The following LRRC7 variants were observed in gnomAD, a reference collection of about 807,000 sequenced individuals.
LRRC7 encodes the protein leucine-rich repeat-containing protein 7.
A neutral mutation model predicts 175.7 loss-of-function variants in LRRC7; 23 were observed. That is an observed-to-expected ratio of 0.13 (90% CI 0.09 to 0.19). The LOEUF (loss-of-function observed/expected upper bound fraction) is 0.19. LRRC7 is among the 10% of genes least tolerant of loss of function. The pLI is 1.00. For missense variants in LRRC7, 1,354 were observed against 1,904.7 expected (o/e 0.71, Z 5.38); for synonymous variants, 685 against 680.9 (o/e 1.01, Z -0.09).
chr1:70,081,529 T>G (rs1019204927), intron 24 of LRRC7, among the ~76,000 whole-genome samples: 1 of 152,336 alleles, frequency 6.6e-6, no homozygotes, highest in East Asian at 1.9e-4. Flanking sequence ...GTTCAATGTC[T>G]TGCCTGTGGT....
At chr1:69,822,215 A>G (rs1357658285) in intron 4 of LRRC7, among the ~76,000 whole-genome samples, 1 of 152,030 alleles carries the variant, frequency 6.6e-6, no homozygotes, top group Non-Finnish European at 1.5e-5. Flanking sequence ...TTTTTAGGCA[A>G]TGCTCTGAAA....
At chr1:69,693,389 GATTT>G (rs1339518959) in intron 2 of LRRC7, among the ~76,000 whole-genome samples, 3 of 152,186 alleles carry the variant, frequency 2.0e-5, no homozygotes, top group Admixed American at 1.3e-4. Flanking sequence ...TATAGAGAGA[GATTT>G]ATTTTAAGAA....
Position 69,994,609 on chromosome 1 carries a change from C to T in LRRC7, c.980C>T (p.Thr327Ile), listed in dbSNP as rs1328160824. The change falls in exon 11 of 27, where the codon ACA becomes ATA. Residue 327 changes from threonine (T) to isoleucine (I), a missense_variant. Physicochemically the swap from Thr to Ile is moderately conservative, Grantham distance 89. Transcript: ENST00000651989. ...TTLKVDDNQLTMLPNTIGNLS... is the reference protein window; with the variant it reads ...TTLKVDDNQLIMLPNTIGNLS... ...CTAAAAGTAGATGACAATCAACTTA[C>T]AATGCTACCCAATACAATTGGAAAG... is the stretch of plus-strand genomic sequence containing the variant. 6.2e-7 allele frequency: 1 copy of T among 1,611,172 alleles called. No individual in the cohort carries two copies. The highest frequency in any genetic ancestry group is 1.7e-5 in the Admixed American group (1 of 59,748).
chr1:69,703,918 T>C (rs1054962236), intron 2 of LRRC7, among the ~76,000 whole-genome samples: 8 of 151,994 alleles, frequency 5.3e-5, no homozygotes, highest in African/African-American at 1.9e-4. Context: ...TTTCAGAAAC[T>C]TGAAAAAGGA....
chr1:69,695,765 T>G (rs910908807), intron 2 of LRRC7, among the ~76,000 whole-genome samples: 4 of 152,212 alleles, frequency 2.6e-5, no homozygotes, highest in Non-Finnish European at 4.4e-5. Context: ...GGGTCCCAAG[T>G]ACAGCTTGGA....
At chr1:69,682,530 C>T (rs1447705312) in intron 2 of LRRC7, among the ~76,000 whole-genome samples, 1 of 152,032 alleles carries the variant, frequency 6.6e-6, no homozygotes, top group Admixed American at 6.6e-5. Context: ...TTGAAAACTG[C>T]AATGCTGTTA....
chr1:69,596,796 C>T (rs1404046709), intron 1 of LRRC7, among the ~76,000 whole-genome samples: 3 of 152,166 alleles, frequency 2.0e-5, no homozygotes, highest in Non-Finnish European at 2.9e-5. Flanking sequence ...CACAAGTTCA[C>T]CCACAAGTGG....
chr1:70,097,280 C>T (rs1020554697), intron 25 of LRRC7, among the ~76,000 whole-genome samples: 2 of 152,148 alleles, frequency 1.3e-5, no homozygotes, highest in Non-Finnish European at 2.9e-5. Flanking sequence ...CCTGAGCCAC[C>T]TCTAAGAAAT....
intron 3 of LRRC7, among the ~76,000 whole-genome samples, chr1:69,778,686 T>G (rs1316049740): frequency 6.6e-6 from 1 of 152,002 alleles, no homozygotes; most frequent in East Asian, 1.9e-4. Context: ...GAGTCAGAAT[T>G]CAAATCCTGG....
intron 11 of LRRC7, among the ~76,000 whole-genome samples, chr1:70,006,665 G>A (rs1205616769): frequency 1.3e-5 from 2 of 152,038 alleles, no homozygotes; most frequent in South Asian, 2.1e-4. Context: ...CCTGAAGTTA[G>A]AATCAGATCC....
chr1:69,827,077 G>C (rs1371415054), intron 5 of LRRC7, among the ~76,000 whole-genome samples: 1 of 151,780 alleles, frequency 6.6e-6, no homozygotes, highest in Non-Finnish European at 1.5e-5. Context: ...TAAATAGGGA[G>C]GGAAAAAAAA....
chr1:70,047,380 G>A (rs561953350), intron 22 of LRRC7, among the ~76,000 whole-genome samples: 1 of 152,208 alleles, frequency 6.6e-6, no homozygotes, highest in South Asian at 2.1e-4. Flanking sequence ...ATCCATTTGT[G>A]CAGGTGCTGC....
At chr1:70,084,143 C>T (rs759535960) in intron 24 of LRRC7, among the ~76,000 whole-genome samples, 2 of 152,096 alleles carry the variant, frequency 1.3e-5, no homozygotes, top group African/African-American at 2.4e-5. Context: ...GTCATGATGA[C>T]CTTGTTTTTT....
At chr1:70,074,675 A>C (rs926190500) in intron 23 of LRRC7, among the ~76,000 whole-genome samples, 1 of 152,198 alleles carries the variant, frequency 6.6e-6, no homozygotes, top group African/African-American at 2.4e-5. Flanking sequence ...AAATTATACC[A>C]AGACAGTCAA....
Position 69,751,521 on chromosome 1 carries a change from G to A in LRRC7, c.101-8670G>A, listed in dbSNP as rs558553427. Among the ~76,000 whole-genome samples the A allele has an allele frequency of 7.2e-5, 11 of 152,206 alleles. No homozygotes were observed. In the South Asian group the frequency reaches 2.3e-3, roughly 32 times the overall value. ...GAGGACTGCAAGTACAGAATTAAGAGAATTAAAGTATAATCAAAACAACAA... is the reference window on the plus strand; with the variant it reads ...GAGGACTGCAAGTACAGAATTAAGAAAATTAAAGTATAATCAAAACAACAA... On this transcript the variant is annotated intron_variant, in intron 2 of 26. Coordinates refer to ENST00000651989, the MANE Select transcript of LRRC7 (RefSeq NM_001370785.2).
At chr1:70,026,469 T>C (rs1240761854) in intron 17 of LRRC7, among the ~76,000 whole-genome samples, 2 of 152,140 alleles carry the variant, frequency 1.3e-5, no homozygotes, top group Admixed American at 6.6e-5. Flanking sequence ...ACAACAGATC[T>C]AAGAATGCAT....
intron 1 of LRRC7, among the ~76,000 whole-genome samples, 175 bp downstream of exon 1, chr1:69,568,816 A>T (rs1484880489): frequency 2.0e-5 from 3 of 152,048 alleles, no homozygotes; most frequent in Non-Finnish European, 2.9e-5. Context: ...GGCGGCGAAG[A>T]TGTGGTAGGT....
chr1:69,578,267 G>T (rs1296895513), intron 1 of LRRC7, among the ~76,000 whole-genome samples: 2 of 150,354 alleles, frequency 1.3e-5, no homozygotes, highest in Non-Finnish European at 3.0e-5. Flanking sequence ...AGTTAGAATG[G>T]CAATCATTAA....
chr1:69,633,043 T>C (rs1385079998), intron 1 of LRRC7, among the ~76,000 whole-genome samples: 4 of 152,038 alleles, frequency 2.6e-5, no homozygotes, highest in Admixed American at 1.3e-4. Context: ...ACTTGTTAAG[T>C]CTTTCTTTGT....
Sources: allele counts gnomAD v4.1 joint callset (sites outside exome capture counted in the v4.1 genomes callset), GRCh38; gene constraint gnomAD v4.1.1; transcripts MANE v1.5; gene names NCBI Gene and HGNC (gene_info 2026-07-23, HGNC 2026-07-21).